IGF2BP3: variants seen among roughly 807,000 people sequenced by gnomAD.
The protein encoded by IGF2BP3 is insulin-like growth factor 2 mRNA-binding protein 3.
Under a neutral mutation model 73.8 loss-of-function variants are expected in IGF2BP3, and 9 were observed. The observed-to-expected ratio is 0.12, with a 90% CI of 0.07 to 0.21. The LOEUF is 0.21. Among genes scored for constraint, IGF2BP3 ranks in the 10% least tolerant of loss-of-function variants. The pLI, the probability that IGF2BP3 is intolerant of heterozygous loss-of-function variation, is 1.00. For synonymous variants in IGF2BP3, 258 were observed against 256.7 expected (o/e 1.01, Z -0.05); for missense variants, 542 against 714.0 (o/e 0.76, Z 2.75).
intron 2 of IGF2BP3, among the ~76,000 whole-genome samples, chr7:23,464,469 GAAAC>G (rs1421912253): frequency 6.6e-6 from 1 of 151,726 alleles, no homozygotes; most frequent in African/African-American, 2.4e-5. Context: ...CTTTTTTAAG[GAAAC>G]AAACAAAAAA....
At chr7:23,419,647 G>C (rs1402045197) in intron 2 of IGF2BP3, among the ~76,000 whole-genome samples, 3 of 152,142 alleles carry the variant, frequency 2.0e-5, no homozygotes, top group Non-Finnish European at 4.4e-5. Context: ...AGGTCTGGAG[G>C]TCAGGACCAG....
rs576314239 is a variant in IGF2BP3, at chr7:23,410,505, A to G, written c.285+8271T>C. 1.3e-4 allele frequency among the ~76,000 whole-genome samples: 20 copies of G among 152,294 alleles called. No homozygotes were observed. The South Asian group carries it at 1.4e-3, about 11-fold the overall frequency. Reference sequence around the variant, plus strand: ...GGGTGGGGTCAGAAATGCTTGCCTCATACACCATTCATATATACCGGTTGT... The same window carrying G: ...GGGTGGGGTCAGAAATGCTTGCCTCGTACACCATTCATATATACCGGTTGT... On this transcript the variant is annotated intron_variant, in intron 3 of 14. Transcript: ENST00000258729.
chr7:23,455,027 T>G (rs111544235), intron 2 of IGF2BP3, among the ~76,000 whole-genome samples: 1 of 152,200 alleles, frequency 6.6e-6, no homozygotes, highest in African/African-American at 2.4e-5. Context: ...TTTGGGAGCA[T>G]AGCCAGACCC....
At chr7:23,434,518 C>T (rs1412437675) in intron 2 of IGF2BP3, among the ~76,000 whole-genome samples, 17 of 152,124 alleles carry the variant, frequency 1.1e-4, no homozygotes, top group Admixed American at 1.1e-3. Flanking sequence ...GTTCAAGAAA[C>T]TCAGTATGAG....
chr7:23,354,658 C>T (rs528536808), intron 5 of IGF2BP3, among the ~76,000 whole-genome samples: 3 of 152,324 alleles, frequency 2.0e-5, no homozygotes, highest in African/African-American at 7.2e-5. Context: ...AAACTAACTT[C>T]TAACTTTTAT....
intron 2 of IGF2BP3, among the ~76,000 whole-genome samples, chr7:23,421,866 C>A (rs1008729899): frequency 1.3e-5 from 2 of 151,958 alleles, no homozygotes; most frequent in African/African-American, 2.4e-5. Context: ...CTCACTGCAA[C>A]CTCCGCCTCC....
chr7:23,337,887 C>CAGTT (rs1784612617), intron 10 of IGF2BP3, among the ~76,000 whole-genome samples: 1 of 152,146 alleles, frequency 6.6e-6, no homozygotes, highest in South Asian at 2.1e-4. Flanking sequence ...GGAGCTTGAG[C>CAGTT]AGTTATCCTG....
chr7:23,458,216 G>C (rs1254053856), intron 2 of IGF2BP3, among the ~76,000 whole-genome samples: 1 of 152,010 alleles, frequency 6.6e-6, no homozygotes, highest in Non-Finnish European at 1.5e-5. Context: ...CATGCATTTA[G>C]TAAGTGGAGC....
At chr7:23,385,504 C>T (rs541785000) in intron 3 of IGF2BP3, among the ~76,000 whole-genome samples, 4 of 152,064 alleles carry the variant, frequency 2.6e-5, no homozygotes, top group South Asian at 4.2e-4. Context: ...ATCTAACCAC[C>T]GATTCACAAG....
chr7:23,315,586 C>T lies in IGF2BP3; in HGVS notation c.1396-1933G>A, dbSNP rs1318019137. On this transcript the variant is annotated intron_variant, in intron 12 of 14. Transcript: ENST00000258729. ...AACAATAGTACCCAACACGCGTTCA[C>T]TGATTCAGAAAGCTGAGCTCATTTT... 4.6e-5 allele frequency among the ~76,000 whole-genome samples: 7 copies of T among 152,314 alleles called. No homozygotes were observed. In the East Asian group the frequency reaches 1.4e-3, roughly 29 times the overall value.
chr7:23,407,896 A>T (rs1786887423), intron 3 of IGF2BP3, among the ~76,000 whole-genome samples: 1 of 129,964 alleles, frequency 7.7e-6, no homozygotes, highest in Admixed American at 9.5e-5. Context: ...TACCACAATA[A>T]AGTGGAGTTT....
chr7:23,462,564 G>T (rs7798556), intron 2 of IGF2BP3, among the ~76,000 whole-genome samples: 1 of 151,946 alleles, frequency 6.6e-6, no homozygotes, highest in East Asian at 1.9e-4. Flanking sequence ...GGGTTTCACC[G>T]TGTTAGCCAG....
Position 23,310,858 on chromosome 7 carries a change from CAA to C in IGF2BP3, c.*1502_*1503del, listed in dbSNP as rs1562660572. On this transcript the variant is annotated 3_prime_UTR_variant, in exon 15 of 15. Coordinates refer to ENST00000258729, the MANE Select transcript of IGF2BP3 (RefSeq NM_006547.3). ...AACATGACTGTGATCATCTTACAAA[CAA>C]AACTCAAAAAATCAATTCAGAGAGC... 2 of 151,738 alleles carry C rather than the reference CAA, an allele frequency of 1.3e-5. No individual in the cohort carries two copies. Among genetic ancestry groups the C allele is most frequent in the Admixed American group, 6.6e-5 (1 of 15,226 alleles). The allele number at this position is 151,738 out of a possible 1,614,324, so 9.4% of individuals were successfully genotyped here. A position where few individuals can be genotyped will look rare whatever the true frequency, so the allele number is the denominator to read the frequency against.
At chr7:23,388,123 G>A (rs9969225) in intron 3 of IGF2BP3, among the ~76,000 whole-genome samples, 5,078 of 152,086 alleles carry the variant, frequency 0.033, 275 homozygotes, top group African/African-American at 0.12. Context: ...TGTTTTAGTA[G>A]AGGCGGGGTT....
intron 2 of IGF2BP3, among the ~76,000 whole-genome samples, chr7:23,453,844 GTT>G (rs1788255836): frequency 6.6e-6 from 1 of 151,700 alleles, no homozygotes; most frequent in Non-Finnish European, 1.5e-5. Context: ...TGTTTTTTTT[GTT>G]TGTTTTGCTG....
Position 23,351,309 on chromosome 7 carries a change from A to C in IGF2BP3, c.679T>G (p.Ser227Ala). 6.2e-7 allele frequency: 1 copy of C among 1,613,762 alleles called. No homozygotes were observed. Among genetic ancestry groups the C allele is most frequent in the Non-Finnish European group, 8.5e-7 (1 of 1,179,792 alleles). Residue 227 changes from serine to alanine, a missense_variant, in exon 6 of 15, where the codon TCT becomes GCT. By Grantham distance (99) the Ser-to-Ala change is moderately conservative. Transcript: ENST00000258729. ...TIRNITKQTQ[S>A]KIDVHRKENA... ...CCACACACTCAGCATACTCACTTAG[A>C]CTGGGTCTGTTTGGTGATGTTCCGA...
At chr7:23,420,727 T>C (rs1787320700) in intron 2 of IGF2BP3, among the ~76,000 whole-genome samples, 1 of 152,132 alleles carries the variant, frequency 6.6e-6, no homozygotes, top group Admixed American at 6.6e-5. Context: ...TTAACTAAAC[T>C]CAGGTACATC....
chr7:23,406,538 G>A (rs1786837188), intron 3 of IGF2BP3, among the ~76,000 whole-genome samples: 1 of 152,134 alleles, frequency 6.6e-6, no homozygotes, highest in Non-Finnish European at 1.5e-5. Flanking sequence ...GACTTCAGGA[G>A]TGAAGCCGCA....
Position 23,310,445 on chromosome 7 carries a change from A to T in IGF2BP3, c.*1917T>A, listed in dbSNP as rs550026055. 5.6e-4 allele frequency: 86 copies of T among 152,398 alleles called. No homozygotes were observed. The highest frequency in any genetic ancestry group is 2.0e-3 in the African/African-American group (84 of 41,606). 9.4% of individuals were successfully genotyped at this position (152,398 alleles called of 1,614,324 possible). ...AATATGACAGAATTTAAACCAGCAG[A>T]TATAAATGCAGCACCTATGTGTATA... On this transcript the variant is annotated 3_prime_UTR_variant, in exon 15 of 15. Coordinates refer to ENST00000258729, the MANE Select transcript of IGF2BP3 (RefSeq NM_006547.3).
Sources: gnomAD v4.1 joint callset for allele counts (sites outside exome capture counted in the v4.1 genomes callset) on GRCh38, gnomAD v4.1.1 for gene constraint, MANE v1.5 for transcripts, NCBI Gene and HGNC (gene_info 2026-07-23, HGNC 2026-07-21) for gene names.